MIPOL1: variants seen among roughly 807,000 people sequenced by gnomAD.
MIPOL1 encodes mirror-image polydactyly gene 1 protein.
In MIPOL1, 57 loss-of-function variants were observed where a neutral mutation model predicts 60.9. That is an observed-to-expected ratio of 0.94 (90% confidence interval 0.76 to 1.17). MIPOL1 has a LOEUF of 1.17. Among genes scored for constraint, MIPOL1 ranks in the 50% most tolerant of loss-of-function variants. The pLI is 0.00. For missense variants in MIPOL1, 551 were observed against 511.6 expected, an observed-to-expected ratio of 1.08 and a Z score of -0.74; for synonymous variants, 179 against 168.8, an observed-to-expected ratio of 1.06 and a Z score of -0.47.
At chr14:37,524,838 G>A (rs1269017991) in intron 12 of MIPOL1, among the ~76,000 whole-genome samples, 2 of 151,926 alleles carry the variant, frequency 1.3e-5, no homozygotes, top group Admixed American at 1.3e-4. Context: ...AAAGTGCTGG[G>A]ATTACAAGCA....
intron 9 of MIPOL1, among the ~76,000 whole-genome samples, chr14:37,345,922 A>G (rs941071080): frequency 4.6e-5 from 7 of 152,202 alleles, no homozygotes; most frequent in African/African-American, 1.7e-4. Context: ...TCAGAATACT[A>G]TCATATATAC....
chr14:37,464,835 T>A (rs2094579697), intron 11 of MIPOL1, among the ~76,000 whole-genome samples: 1 of 152,292 alleles, frequency 6.6e-6, no homozygotes, highest in Admixed American at 6.5e-5. Context: ...CAGAAAAAAA[T>A]TTTAATTTCC....
chr14:37,346,570 A>G (rs780628519), intron 9 of MIPOL1, among the ~76,000 whole-genome samples: 1 of 152,146 alleles, frequency 6.6e-6, no homozygotes, highest in Admixed American at 6.6e-5. Context: ...ACAAACATAC[A>G]CACACAGCCT....
intron 12 of MIPOL1, among the ~76,000 whole-genome samples, chr14:37,501,112 C>G (rs1158436512): frequency 6.6e-6 from 1 of 152,108 alleles, no homozygotes; most frequent in Non-Finnish European, 1.5e-5. Flanking sequence ...TTAAATTAGA[C>G]CATTTTAAAA....
intron 9 of MIPOL1, among the ~76,000 whole-genome samples, chr14:37,367,417 G>A (rs1407963368): frequency 6.6e-6 from 1 of 151,946 alleles, no homozygotes; most frequent in African/African-American, 2.4e-5. Flanking sequence ...GCATGAATGA[G>A]TGAATTTTTT....
intron 12 of MIPOL1, among the ~76,000 whole-genome samples, chr14:37,517,003 CAT>C (rs2095374354): frequency 6.6e-6 from 1 of 152,024 alleles, no homozygotes; most frequent in Non-Finnish European, 1.5e-5. Context: ...GTTACACTAA[CAT>C]ATAGAAATTA....
chr14:37,410,043 A>G (rs575390400), intron 10 of MIPOL1, among the ~76,000 whole-genome samples: 27 of 152,298 alleles, frequency 1.8e-4, no homozygotes, highest in African/African-American at 5.3e-4. Flanking sequence ...AGAAATCTAA[A>G]CCCAATCACA....
chr14:37,240,923 G>C (rs1159354252), intron 1 of MIPOL1, among the ~76,000 whole-genome samples: 1 of 141,290 alleles, frequency 7.1e-6, no homozygotes, highest in African/African-American at 2.9e-5. Flanking sequence ...ACTACCAGTA[G>C]GTGACACACA....
At chr14:37,203,830 T>A (rs1169253175) in intron 1 of MIPOL1, among the ~76,000 whole-genome samples, 1 of 152,166 alleles carries the variant, frequency 6.6e-6, no homozygotes, top group Non-Finnish European at 1.5e-5. Context: ...CCGCCCAGGC[T>A]GGAAAGCAGT....
At chr14:37,395,195 T>C (rs1224162720) in intron 10 of MIPOL1, among the ~76,000 whole-genome samples, 1 of 152,216 alleles carries the variant, frequency 6.6e-6, no homozygotes, top group African/African-American at 2.4e-5. Flanking sequence ...GGTAGTGCAA[T>C]ACTTCCAAAT....
rs1555367649 is a variant in MIPOL1 at position 37,521,893 on chromosome 14, A to AAT, written c.1262+21772_1262+21773dup. Among the ~76,000 whole-genome samples, 447 of 123,564 alleles carry AAT rather than the reference A, an allele frequency of 3.6e-3. 2 individuals carry two copies. Among genetic ancestry groups the AAT allele is most frequent in the South Asian group, 8.7e-3 (28 of 3,220 alleles). The allele number at this position is 123,564 out of a possible 152,430, so 81.1% of individuals were successfully genotyped here. ...CCAAGACTTTATCTAAAGAAAAAAA[A>AAT]ATATATATATATATATATTTTTTTT... On this transcript the variant is annotated intron_variant, in intron 12 of 12. Transcript: ENST00000684589.
intron 10 of MIPOL1, among the ~76,000 whole-genome samples, chr14:37,405,927 GT>G (rs1390685022): frequency 1.4e-5 from 2 of 145,684 alleles, no homozygotes; most frequent in Non-Finnish European, 3.0e-5. Flanking sequence ...TTTCATGGCT[GT>G]TTTTTCAAGT....
chr14:37,337,092 C>T (rs7157125), intron 9 of MIPOL1, among the ~76,000 whole-genome samples: 1 of 151,228 alleles, frequency 6.6e-6, no homozygotes, highest in Non-Finnish European at 1.5e-5. Flanking sequence ...TTTTTTCCCC[C>T]TTGGTTGTAG....
chr14:37,504,162 C>T (rs1213568005), intron 12 of MIPOL1: 1 of 152,098 alleles, frequency 6.6e-6, no homozygotes, highest in African/African-American at 2.4e-5. Flanking sequence ...TAATGGGAGA[C>T]TTTAACACCC....
intron 1 of MIPOL1, among the ~76,000 whole-genome samples, chr14:37,211,119 A>C (rs1477927445): frequency 6.6e-6 from 1 of 152,210 alleles, no homozygotes; most frequent in East Asian, 1.9e-4. Flanking sequence ...ACAAAGGATA[A>C]AGATGAAAAC....
chr14:37,292,982 A>C (rs1051425777), intron 7 of MIPOL1, among the ~76,000 whole-genome samples: 1 of 152,218 alleles, frequency 6.6e-6, no homozygotes, highest in Admixed American at 6.5e-5. Context: ...CCAAGCATTA[A>C]GGGTTCATGC....
At chr14:37,205,877 A>T (rs957917356) in intron 1 of MIPOL1, among the ~76,000 whole-genome samples, 2 of 152,174 alleles carry the variant, frequency 1.3e-5, no homozygotes, top group African/African-American at 4.8e-5. Context: ...ATTGTTGGAC[A>T]TTTGGGTTGA....
chr14:37,426,727 T>TA (rs2093975110), intron 11 of MIPOL1, among the ~76,000 whole-genome samples: 1 of 150,904 alleles, frequency 6.6e-6, no homozygotes, highest in Middle Eastern at 3.2e-3. Flanking sequence ...AGTGGAATGT[T>TA]ACTATTTAAG....
chr14:37,444,818 CA>C (rs1275559411), intron 11 of MIPOL1, among the ~76,000 whole-genome samples: 1 of 152,108 alleles, frequency 6.6e-6, no homozygotes, highest in Non-Finnish European at 1.5e-5. Context: ...GAACCAAAGA[CA>C]AAAACCACAT....
Sources: allele counts gnomAD v4.1 joint callset (sites outside exome capture counted in the v4.1 genomes callset), GRCh38; gene constraint gnomAD v4.1.1; transcripts MANE v1.5; gene names NCBI Gene and HGNC (gene_info 2026-07-23, HGNC 2026-07-21).